Variants in VPS13B observed in about 807,000 individuals in gnomAD.
VPS13B encodes intermembrane lipid transfer protein VPS13B.
VPS13B carries 285 observed loss-of-function variants against 426.4 expected under a neutral mutation model. That is an observed-to-expected ratio of 0.67 (90% confidence interval 0.61 to 0.74). The LOEUF (loss-of-function observed/expected upper bound fraction) is 0.74, where lower values mean the gene tolerates loss of function less well. Ranked by LOEUF, VPS13B falls within the 30% of genes least tolerant of loss-of-function variation. The pLI is 0.00. For synonymous variants in VPS13B, 1,676 were observed against 1,676.4 expected, an observed-to-expected ratio of 1.00 and a Z score of 0.01; for missense variants, 4,537 against 4,782.6, an observed-to-expected ratio of 0.95 and a Z score of 1.51.
intron 2 of VPS13B, among the ~76,000 whole-genome samples, chr8:99,027,128 C>T (rs977185849): frequency 1.3e-5 from 2 of 152,146 alleles, no homozygotes; most frequent in Non-Finnish European, 2.9e-5. Flanking sequence ...CTACCTGCCT[C>T]GGCCTCCCAA....
rs776907502 is a variant in VPS13B at position 99,818,504 on chromosome 8, A to C, written c.8415A>C (p.Leu2805Phe). The C allele has an allele frequency of 6.2e-7, 1 of 1,614,074 alleles. No homozygotes were observed. Among genetic ancestry groups the C allele is most frequent in the South Asian group, 1.1e-5 (1 of 91,088 alleles). The change falls in exon 46 of 62, where the codon TTA (leucine) becomes TTC (phenylalanine). Residue 2805 changes from leucine (L) to phenylalanine (F), a missense_variant. Leu to Phe is a conservative substitution (Grantham distance 22). This residue lies in a region of VPS13B where 4,311 missense variants were observed against 4,474.3 expected (regional missense o/e 0.96). Transcript: ENST00000357162. ...IIYVWCTVLTLEPNSQVQQRM... is the reference protein window; with the variant it reads ...IIYVWCTVLTFEPNSQVQQRM... ...ATGTCTGGTGCACAGTTTTGACTTT[A>C]GAACCCAACTCTCAAGTGCAACAAC...
In VPS13B at chr8:99,520,886, T is replaced by C. The variant is rs558526067; in HGVS notation, c.4634-13T>C. The C allele has an allele frequency of 1.2e-6, 2 of 1,611,522 alleles. No homozygotes were observed. Among genetic ancestry groups the C allele is most frequent in the South Asian group, 1.1e-5 (1 of 91,032 alleles). ...TCCACAGTGTATTCATGAATCTCCTTCTTTTGTTACAGCTAATCAGGCAGC... is the reference window on the plus strand; with the variant it reads ...TCCACAGTGTATTCATGAATCTCCTCCTTTTGTTACAGCTAATCAGGCAGC... On this transcript the variant is annotated splice_polypyrimidine_tract_variant and intron_variant, in intron 29 of 61. Transcript: ENST00000357162.
intron 36 of VPS13B, among the ~76,000 whole-genome samples, chr8:99,713,999 G>C (rs997414895): frequency 6.6e-6 from 1 of 152,022 alleles, no homozygotes; most frequent in Non-Finnish European, 1.5e-5. Flanking sequence ...AATTATCCGG[G>C]CATGTTGGTG....
chr8:99,133,556 C>T (rs1463349132), intron 8 of VPS13B, among the ~76,000 whole-genome samples: 1 of 152,192 alleles, frequency 6.6e-6, no homozygotes, highest in Non-Finnish European at 1.5e-5. Context: ...GCTTTTACAT[C>T]CCTTCTTCAC....
intron 21 of VPS13B, among the ~76,000 whole-genome samples, chr8:99,414,985 A>G (rs1815913274): frequency 6.6e-6 from 1 of 152,226 alleles, no homozygotes; most frequent in East Asian, 1.9e-4. Flanking sequence ...CTCCTGGATA[A>G]TATCCTGAAG....
intron 33 of VPS13B, among the ~76,000 whole-genome samples, chr8:99,613,511 A>T (rs1384975208): frequency 1.2e-4 from 18 of 152,228 alleles, no homozygotes. Flanking sequence ...CCCTGTGTAT[A>T]TGAAACAATA....
intron 3 of VPS13B, among the ~76,000 whole-genome samples, chr8:99,078,961 G>A (rs1563525249): frequency 1.3e-5 from 2 of 152,122 alleles, no homozygotes; most frequent in Non-Finnish European, 2.9e-5. Flanking sequence ...CATGGTAAAG[G>A]TGGCTGTCTG....
chr8:99,171,285 C>T (rs1275997770), intron 16 of VPS13B, among the ~76,000 whole-genome samples: 1 of 151,772 alleles, frequency 6.6e-6, no homozygotes, highest in Non-Finnish European at 1.5e-5. Flanking sequence ...GCATTTGAGT[C>T]AAGTTTTATA....
chr8:99,569,903 C>A (rs1033854426), intron 31 of VPS13B, among the ~76,000 whole-genome samples: 2 of 152,090 alleles, frequency 1.3e-5, no homozygotes, highest in African/African-American at 4.8e-5. Flanking sequence ...TTGTTATTTT[C>A]ATCGAGGGTT....
At chr8:99,266,611 G>C in intron 17 of VPS13B, among the ~76,000 whole-genome samples, 1 of 152,086 alleles carries the variant, frequency 6.6e-6, no homozygotes, top group Admixed American at 6.6e-5. Context: ...TGAATCATGG[G>C]GGGTGGTTAC....
chr8:99,470,006 T>A (rs568262044), intron 24 of VPS13B, among the ~76,000 whole-genome samples: 1 of 152,162 alleles, frequency 6.6e-6, no homozygotes, highest in African/African-American at 2.4e-5. Context: ...GTACTCAGAA[T>A]CTCAGAGGTT....
intron 31 of VPS13B, among the ~76,000 whole-genome samples, chr8:99,565,001 T>C (rs1303109116): frequency 6.6e-6 from 1 of 152,238 alleles, no homozygotes; most frequent in Non-Finnish European, 1.5e-5. Context: ...ATGTCTGCCA[T>C]GTGCAGTTTG....
intron 34 of VPS13B, among the ~76,000 whole-genome samples, chr8:99,649,002 T>G (rs996126077): frequency 1.3e-5 from 2 of 152,088 alleles, no homozygotes; most frequent in African/African-American, 2.4e-5. Context: ...TGTAAAATTC[T>G]GGGTTGACAT....
chr8:99,290,454 A>G (rs1049761887), intron 19 of VPS13B, among the ~76,000 whole-genome samples: 2 of 152,020 alleles, frequency 1.3e-5, no homozygotes, highest in Non-Finnish European at 2.9e-5. Flanking sequence ...GAATTGAACG[A>G]TGAGAACACT....
chr8:99,401,109 T>C (rs990410440), intron 21 of VPS13B, among the ~76,000 whole-genome samples: 7 of 152,232 alleles, frequency 4.6e-5, no homozygotes, highest in African/African-American at 1.7e-4. Context: ...AGATACATCA[T>C]ATTGAAGAGA....
In VPS13B at chr8:99,654,053, A is replaced by G. The variant is rs150684008; in HGVS notation, c.5909-7301A>G. Among the ~76,000 whole-genome samples the G allele has an allele frequency of 4.8e-3, 720 of 150,796 alleles. 2 individuals carry two copies. Among genetic ancestry groups the G allele is most frequent in the Non-Finnish European group, 7.7e-3 (522 of 67,738 alleles). On this transcript the variant is annotated intron_variant, in intron 34 of 61. Coordinates refer to ENST00000357162, the MANE Select transcript of VPS13B (RefSeq NM_152564.5). ...GATGATTATTATTATTATTATTATT[A>G]TATATATTTTTTTGGGACAGAGTCT... is the stretch of plus-strand genomic sequence containing the variant.
At chr8:99,738,306 A>G (rs1833928185) in intron 39 of VPS13B, among the ~76,000 whole-genome samples, 1 of 152,184 alleles carries the variant, frequency 6.6e-6, no homozygotes, top group Non-Finnish European at 1.5e-5. Context: ...TTAATTCTCC[A>G]TGAGGAAAAG....
At chr8:99,393,846 T>A (rs536352543) in intron 21 of VPS13B, among the ~76,000 whole-genome samples, 1 of 152,306 alleles carries the variant, frequency 6.6e-6, no homozygotes, top group South Asian at 2.1e-4. Context: ...AATTATGTTT[T>A]AACACTTTGT....
At chr8:99,544,380 G>C (rs994213173) in intron 30 of VPS13B, among the ~76,000 whole-genome samples, 1 of 152,078 alleles carries the variant, frequency 6.6e-6, no homozygotes, top group Admixed American at 6.6e-5. Flanking sequence ...GAGTTAGTGG[G>C]TGCAGCGCAC....
Sources: gnomAD v4.1 joint callset for allele counts (sites outside exome capture counted in the v4.1 genomes callset) on GRCh38, gnomAD v4.1.1 for gene constraint, gnomAD v4.1.1 regional missense constraint, MANE v1.5 for transcripts, NCBI Gene and HGNC (gene_info 2026-07-23, HGNC 2026-07-21) for gene names.